Variants in SFTPB observed in about 807,000 individuals in gnomAD.
SFTPB encodes surfactant protein B.
A neutral mutation model predicts 51.0 loss-of-function variants in SFTPB; 32 were observed. That is an observed-to-expected ratio of 0.63 (90% CI 0.47 to 0.84). The LOEUF is 0.84. Ranked by LOEUF, SFTPB falls within the 40% of genes least tolerant of loss-of-function variation. The probability of loss-of-function intolerance (pLI) is 0.00; values close to 1 mark genes in which losing one functional copy is unlikely to be tolerated. For synonymous variants in SFTPB, 211 were observed against 208.5 expected (o/e 1.01, Z -0.10); for missense variants, 431 against 491.2 (o/e 0.88, Z 1.16).
At chr2:85,666,451 C>T in intron 4 of SFTPB, 166 bp downstream of exon 4, 1 of 582,382 alleles carries the variant, frequency 1.7e-6, no homozygotes, top group Non-Finnish European at 3.0e-6. Context: ...GTGTGTCCGG[C>T]TGGCTGGGGT....
rs1677166239 is a variant in SFTPB at position 85,659,032 on chromosome 2, AAAAG to A, written c.*666_*669del. The A allele has an allele frequency of 6.6e-6, 1 of 151,932 alleles. No individual in the cohort carries two copies. Among genetic ancestry groups the A allele is most frequent in the Non-Finnish European group, 1.5e-5 (1 of 68,028 alleles). 9.4% of individuals were successfully genotyped at this position (151,932 alleles called of 1,614,324 possible). A position where few individuals can be genotyped will look rare whatever the true frequency, so the allele number is the denominator to read the frequency against. On this transcript the variant is annotated 3_prime_UTR_variant, in exon 11 of 11. Transcript: ENST00000519937. The stretch of plus-strand genomic sequence containing the variant: ...TGGAAGTCCACCTTACAGAAAGACA[AAAAG>A]AAACCCCTTTTTATATCTTAACAAA...
At chr2:85,661,829 C>A (rs45447395) in intron 9 of SFTPB, among the ~76,000 whole-genome samples, 200 bp downstream of exon 9, 33 of 152,292 alleles carry the variant, frequency 2.2e-4, no homozygotes, top group Admixed American at 6.5e-4. Flanking sequence ...TCAGGCCATC[C>A]CTCCCTTCCC....
rs1260806199 is a variant in SFTPB at position 85,658,674 on chromosome 2, C to A, written c.*1028G>T. On this transcript the variant is annotated 3_prime_UTR_variant, in exon 11 of 11. Transcript: ENST00000519937. ...AGTAGTTGGGATTACAGGCATATGC[C>A]ACCACACTTGGCTAATTTTTTGTAT... The A allele has an allele frequency of 6.6e-6, 1 of 152,070 alleles. No homozygotes were observed. The highest frequency in any genetic ancestry group is 1.5e-5 in the Non-Finnish European group (1 of 68,030). The allele number at this position is 152,070 out of a possible 1,614,324, so 9.4% of individuals were successfully genotyped here. A position where few individuals can be genotyped will look rare whatever the true frequency, so the allele number is the denominator to read the frequency against.
chr2:85,665,204 G>A, intron 6 of SFTPB, 85 bp downstream of exon 6: 2 of 1,036,446 alleles, frequency 1.9e-6, no homozygotes, highest in Non-Finnish European at 3.0e-6. Context: ...CCTGACGGGG[G>A]TGTGAGTTGG....
intron 8 of SFTPB, 48 bp from the exon 9 acceptor site, chr2:85,662,157 C>T (rs1429381531): frequency 1.9e-6 from 3 of 1,568,832 alleles, no homozygotes; most frequent in Admixed American, 1.9e-5. Flanking sequence ...GCAGGACTCT[C>T]CTGTCGTGTG....
upstream of SFTPB, among the ~76,000 whole-genome samples, chr2:85,668,510 G>A (rs1677768037): frequency 6.6e-6 from 1 of 152,100 alleles, no homozygotes; most frequent in Admixed American, 6.5e-5. Flanking sequence ...GAGGGTGGAG[G>A]GCATCTGGTT....
rs768637269 is a variant in SFTPB at position 85,665,800 on chromosome 2, G to A, written c.394-6C>T. On this transcript the variant is annotated splice_region_variant and splice_polypyrimidine_tract_variant and intron_variant, in intron 4 of 10. Transcript: ENST00000519937. ...ATACAGATGCCGTTTGAGTCCTGGG[G>A]CACAGCACAGGGTGGGAGTGTTAGG... The A allele has an allele frequency of 2.8e-5, 45 of 1,613,820 alleles. 1 individual carries two copies. In the South Asian group the frequency reaches 4.7e-4, roughly 17 times the overall value.
intron 10 of SFTPB, among the ~76,000 whole-genome samples, 172 bp from the exon 11 acceptor site, chr2:85,659,854 G>A (rs564220042): frequency 9.9e-5 from 15 of 152,182 alleles, no homozygotes; most frequent in Non-Finnish European, 2.1e-4. Flanking sequence ...GCGACTGCCC[G>A]GGTCCTGGGT....
chr2:85,662,014 GA>G lies in SFTPB; in HGVS notation c.1083+14del. 6.3e-7 allele frequency: 1 copy of G among 1,589,788 alleles called. No homozygotes were observed. Among genetic ancestry groups the G allele is most frequent in the South Asian group, 1.2e-5 (1 of 86,766 alleles). Reference sequence around the variant, plus strand: ...CAAGGGAAGTCCTAGGACCAACTGGGAGGGGTGGGTGTACCTGGCAGGTGGT... The same window carrying G: ...CAAGGGAAGTCCTAGGACCAACTGGGGGGGTGGGTGTACCTGGCAGGTGGT... On this transcript the variant is annotated intron_variant, in intron 9 of 10. Transcript: ENST00000519937.
intron 10 of SFTPB, among the ~76,000 whole-genome samples, chr2:85,660,465 C>G (rs1350545159): frequency 2.9e-5 from 1 of 34,674 alleles, no homozygotes; most frequent in East Asian, 6.5e-4. Context: ...TTTTTTTTTT[C>G]CTGAGACAGA....
chr2:85,668,069 A>G (rs1454611411), intron 1 of SFTPB, 48 bp downstream of exon 1: 2 of 1,421,212 alleles, frequency 1.4e-6, no homozygotes. Flanking sequence ...AGCAGTGCTC[A>G]GTGAGTGGTG....
chr2:85,666,394 TG>T (rs1677616383), intron 4 of SFTPB: 38 of 508,114 alleles, frequency 7.5e-5, no homozygotes, highest in Middle Eastern at 5.5e-4. Flanking sequence ...TGGGGTACTG[TG>T]TGTGTGTGTG....
intron 10 of SFTPB, among the ~76,000 whole-genome samples, chr2:85,660,943 C>T (rs1294150191): frequency 2.0e-5 from 3 of 152,294 alleles, no homozygotes; most frequent in Admixed American, 6.5e-5. Flanking sequence ...CATCTGGCCT[C>T]GCCTCCACCC....
chr2:85,667,863 A>G, intron 1 of SFTPB, 57 bp from the exon 2 acceptor site: 1 of 1,612,676 alleles, frequency 6.2e-7, no homozygotes, highest in Admixed American at 1.7e-5. Context: ...ACCTGGCATC[A>G]TGATTTCACC....
chr2:85,665,177 C>G (rs35912756), intron 6 of SFTPB, 112 bp downstream of exon 6: 1 of 880,954 alleles, frequency 1.1e-6, no homozygotes, highest in Non-Finnish European at 1.9e-6. Context: ...CTCCTAACTT[C>G]TGGCAGCCAG....
rs1401671775 is a variant in SFTPB, at chr2:85,657,788, G to C, written c.*1914C>G. The C allele has an allele frequency of 2.0e-5, 3 of 152,194 alleles. No individual in the cohort carries two copies. The highest frequency in any genetic ancestry group is 4.4e-5 in the Non-Finnish European group (3 of 68,050). The allele number at this position is 152,194 out of a possible 1,614,324, so 9.4% of individuals were successfully genotyped here. A position where few individuals can be genotyped will look rare whatever the true frequency, so the allele number is the denominator to read the frequency against. On this transcript the variant is annotated 3_prime_UTR_variant, in exon 11 of 11. Coordinates refer to ENST00000519937, the MANE Select transcript of SFTPB (RefSeq NM_000542.5). ...CATTAGTTCTTGTAGGTTTGGGATA[G>C]GCGGTGGAGTTAGGAGCAATTTTTT...
At chr2:85,668,500 G>C (rs1677767817), upstream of SFTPB, among the ~76,000 whole-genome samples, 1 of 152,182 alleles carries the variant, frequency 6.6e-6, no homozygotes, top group African/African-American at 2.4e-5. Flanking sequence ...GGAGGTTGAG[G>C]AGGGTGGAGG....
In SFTPB at chr2:85,667,938, T is replaced by C. The variant is rs564952823; in HGVS notation, c.68-132A>G. 40 of 1,388,736 alleles carry C rather than the reference T, an allele frequency of 2.9e-5. No individual in the cohort carries two copies. The East Asian group carries it at 1.0e-3, about 35-fold the overall frequency. The allele number at this position is 1,388,736 out of a possible 1,614,324, so 86.0% of individuals were successfully genotyped here. On this transcript the variant is annotated intron_variant, in intron 1 of 10. Transcript: ENST00000519937. ...TAAACATGTGGACGTCAGACAGCTC[T>C]GGGTTCCACCTGCTCCTGGACCCGC...
intron 10 of SFTPB, among the ~76,000 whole-genome samples, chr2:85,659,888 G>C (rs1485999316): frequency 3.9e-5 from 6 of 152,202 alleles, no homozygotes; most frequent in Non-Finnish European, 8.8e-5. Context: ...CAGATCCCCA[G>C]CTGTCATCAC....
Sources: gnomAD v4.1 joint callset for allele counts (sites outside exome capture counted in the v4.1 genomes callset) on GRCh38, gnomAD v4.1.1 for gene constraint, MANE v1.5 for transcripts, NCBI Gene and HGNC (gene_info 2026-07-23, HGNC 2026-07-21) for gene names.